The following SPON1 variants were observed in gnomAD, a reference collection of about 807,000 sequenced individuals.
SPON1 encodes spondin 1, also known as spondin-1.
Under a neutral mutation model 111.7 loss-of-function variants are expected in SPON1, and 52 were observed. The ratio of observed to expected loss-of-function variants is 0.47; its 90% confidence interval spans 0.37 to 0.59. The LOEUF (loss-of-function observed/expected upper bound fraction) is 0.59. Among genes scored for constraint, SPON1 ranks in the 20% least tolerant of loss-of-function variants. SPON1 has a pLI of 0.00. For missense variants in SPON1, 957 were observed against 1,068.5 expected (o/e 0.90, Z 1.46); for synonymous variants, 410 against 395.8 (o/e 1.04, Z -0.43).
chr11:14,152,507 G>A (rs1847799901), intron 6 of SPON1, among the ~76,000 whole-genome samples: 1 of 152,328 alleles, frequency 6.6e-6, no homozygotes, highest in Non-Finnish European at 1.5e-5. Flanking sequence ...GCTCTCTGGA[G>A]TAGCATTGGG....
chr11:14,126,117 C>A (rs11820694), intron 5 of SPON1, among the ~76,000 whole-genome samples: 3 of 152,138 alleles, frequency 2.0e-5, no homozygotes, highest in African/African-American at 7.2e-5. Flanking sequence ...AGATAGGGCC[C>A]ACCCACAATA....
At chr11:14,042,020 A>G (rs1554917339) in intron 3 of SPON1, among the ~76,000 whole-genome samples, 1 of 151,992 alleles carries the variant, frequency 6.6e-6, no homozygotes, top group African/African-American at 2.4e-5. Flanking sequence ...ATCCTTAAAC[A>G]CTGCTTAGGC....
intron 3 of SPON1, among the ~76,000 whole-genome samples, chr11:14,057,805 G>A (rs1848755959): frequency 8.0e-6 from 1 of 125,666 alleles, no homozygotes; most frequent in Non-Finnish European, 1.7e-5. Flanking sequence ...GACCAGCCTG[G>A]AAAACGTAGT....
chr11:14,135,313 C>A lies in SPON1; in HGVS notation c.677-107C>A. 2 of 1,270,764 alleles carry A rather than the reference C, an allele frequency of 1.6e-6. No individual in the cohort carries two copies. Among genetic ancestry groups the A allele is most frequent in the East Asian group, 2.3e-5 (1 of 42,768 alleles). The allele number at this position is 1,270,764 out of a possible 1,614,324, so 78.7% of individuals were successfully genotyped here. On this transcript the variant is annotated intron_variant, in intron 5 of 15. Transcript: ENST00000576479. This position sits in a 1 kb window ranked among gnomAD's most constrained non-coding sequence, Gnocchi z 4.4. ...GCCTAAGACAGAATAGGTGCTTAGT[C>A]AGTGCTCTTTGAATCGATGTCCAAT...
chr11:14,187,591 G>T (rs1273667250), intron 6 of SPON1, among the ~76,000 whole-genome samples: 1 of 152,080 alleles, frequency 6.6e-6, no homozygotes, highest in Non-Finnish European at 1.5e-5. Flanking sequence ...TTAGTTTGGG[G>T]TCCTAAAAGA....
At chr11:14,019,273 C>A (rs1422678236) in intron 2 of SPON1, among the ~76,000 whole-genome samples, 1 of 151,814 alleles carries the variant, frequency 6.6e-6, no homozygotes, top group African/African-American at 2.4e-5. Flanking sequence ...GTTCAGTTTT[C>A]TCACTAATAA....
intron 6 of SPON1, among the ~76,000 whole-genome samples, chr11:14,149,252 G>A (rs1262180207): frequency 6.6e-6 from 1 of 151,916 alleles, no homozygotes; most frequent in East Asian, 1.9e-4. Flanking sequence ...CCCTGTAAAG[G>A]CTTAAGCACA....
intron 6 of SPON1, among the ~76,000 whole-genome samples, chr11:14,146,310 C>T (rs547634903): frequency 7.9e-5 from 12 of 152,042 alleles, no homozygotes; most frequent in African/African-American, 2.9e-4. Flanking sequence ...CCACCATGCC[C>T]GGCTAATTTT....
chr11:14,210,897 A>C (rs1167536220), intron 6 of SPON1, among the ~76,000 whole-genome samples: 3 of 152,180 alleles, frequency 2.0e-5, no homozygotes, highest in African/African-American at 7.2e-5. Flanking sequence ...AGGTTTGTCA[A>C]AGATCAGATT....
At chr11:14,176,478 A>G (rs1554933096) in intron 6 of SPON1, among the ~76,000 whole-genome samples, 1 of 152,088 alleles carries the variant, frequency 6.6e-6, no homozygotes, top group Non-Finnish European at 1.5e-5. Flanking sequence ...TGGTAGAGCT[A>G]CAAAGAGACA....
At chr11:13,990,827 A>T (rs1315314075) in intron 2 of SPON1, among the ~76,000 whole-genome samples, 1 of 152,146 alleles carries the variant, frequency 6.6e-6, no homozygotes, top group Admixed American at 6.5e-5. Context: ...TCCTTCACTT[A>T]TGAAGCTTAG....
chr11:14,252,156 GTACAGC>G (rs1849060131), intron 7 of SPON1, among the ~76,000 whole-genome samples: 1 of 152,234 alleles, frequency 6.6e-6, no homozygotes, highest in African/African-American at 2.4e-5. Context: ...AGGTCCTGGG[GTACAGC>G]TATGAAACAC....
Position 14,257,726 on chromosome 11 carries a change from T to C in SPON1, c.1320T>C (p.Pro440=). ...APEEKDEDDT[P]ETCIYSNWSP... is the part of the protein sequence containing the mutation. ...AAACACTCTTTCCAGATGACACCCC[T>C]GAAACCTGCATCTACTCCAACTGGT... The change falls in exon 11 of 16, where the codon CCT becomes CCC. Residue 440 remains proline (P), a synonymous_variant. Coordinates refer to ENST00000576479, the MANE Select transcript of SPON1 (RefSeq NM_006108.4). 1 of 1,610,886 alleles carries C rather than the reference T, an allele frequency of 6.2e-7. No individual in the cohort carries two copies. Among genetic ancestry groups the C allele is most frequent in the Non-Finnish European group, 8.5e-7 (1 of 1,178,446 alleles).
intron 2 of SPON1, among the ~76,000 whole-genome samples, chr11:14,002,337 T>A (rs1017904397): frequency 6.6e-6 from 1 of 152,072 alleles, no homozygotes; most frequent in Non-Finnish European, 1.5e-5. Context: ...GGTGAGGAAC[T>A]GGGGCTGCGG....
At chr11:14,134,315 A>T (rs1321651564) in intron 5 of SPON1, among the ~76,000 whole-genome samples, 5 of 152,204 alleles carry the variant, frequency 3.3e-5, no homozygotes, top group African/African-American at 1.2e-4. Context: ...TGTATTCATC[A>T]CATGTAAAAA....
chr11:14,169,893 C>A (rs1314887744), intron 6 of SPON1, among the ~76,000 whole-genome samples: 1 of 152,148 alleles, frequency 6.6e-6, no homozygotes, highest in Non-Finnish European at 1.5e-5. Context: ...GTTTTGGTTA[C>A]TGTAGTCTTG....
intron 6 of SPON1, among the ~76,000 whole-genome samples, chr11:14,189,495 C>T (rs1848322095): frequency 6.6e-6 from 1 of 152,150 alleles, no homozygotes; most frequent in African/African-American, 2.4e-5. Flanking sequence ...TCAGCTCTTT[C>T]CCCTGCAGAC....
At position 14,001,969 on chromosome 11, in the gene SPON1, T is replaced by C. The variant is rs549875183; in HGVS notation, c.345+19016T>C. On this transcript the variant is annotated intron_variant, in intron 2 of 15. Transcript: ENST00000576479. ...AATTACTATTATTAATTGATCAACA[T>C]ATCAGAGGAGGGAAGAAGAGTTGAA... Among the ~76,000 whole-genome samples, 210 of 152,306 alleles carry C rather than the reference T, an allele frequency of 1.4e-3. 2 individuals are homozygous for C. The highest frequency in any genetic ancestry group is 2.2e-3 in the Non-Finnish European group (151 of 68,024).
At chr11:13,970,083 AC>A (rs1848050929) in intron 1 of SPON1, among the ~76,000 whole-genome samples, 1 of 152,122 alleles carries the variant, frequency 6.6e-6, no homozygotes. Context: ...TTTGATTTTT[AC>A]CAAATGCACC....
Sources: allele counts gnomAD v4.1 joint callset (sites outside exome capture counted in the v4.1 genomes callset), GRCh38; gene constraint gnomAD v4.1.1; non-coding constraint Gnocchi (gnomAD v3.1); transcripts MANE v1.5; gene names NCBI Gene and HGNC (gene_info 2026-07-23, HGNC 2026-07-21).